The following CABLES1 variants were observed in gnomAD, a reference collection of about 807,000 sequenced individuals.
The protein encoded by CABLES1 is CDK5 and ABL1 enzyme substrate 1.
Under a neutral mutation model 57.8 loss-of-function variants are expected in CABLES1, and 36 were observed. That is an observed-to-expected ratio of 0.62 (90% confidence interval 0.48 to 0.82). The LOEUF is 0.82. CABLES1 is among the 40% of genes least tolerant of loss of function. The pLI, the probability that CABLES1 is intolerant of heterozygous loss-of-function variation, is 0.00. For missense variants in CABLES1, 767 were observed against 836.6 expected (o/e 0.92, Z 1.03); for synonymous variants, 374 against 363.0 (o/e 1.03, Z -0.35).
At chr18:23,245,503 CAAAAA>C (rs914289893) in intron 7 of CABLES1, among the ~76,000 whole-genome samples, 1 of 94,562 alleles carries the variant, frequency 1.1e-5, no homozygotes, top group African/African-American at 3.8e-5. Context: ...CATCCTGTCT[CAAAAA>C]AAAAAAAAAA....
intron 3 of CABLES1, among the ~76,000 whole-genome samples, chr18:23,203,437 G>A (rs1023522715): frequency 6.7e-6 from 1 of 149,882 alleles, no homozygotes; most frequent in Non-Finnish European, 1.5e-5. Context: ...TCTCTTTAAA[G>A]TATGAACCAA....
chr18:23,141,628 A>G (rs931478618), intron 1 of CABLES1, among the ~76,000 whole-genome samples: 11 of 152,274 alleles, frequency 7.2e-5, no homozygotes, highest in Admixed American at 6.5e-4. Flanking sequence ...GGGCCTGTGG[A>G]TGGTGGGCGC....
chr18:23,259,228 G>A lies in CABLES1; in HGVS notation c.*1861G>A, dbSNP rs1258187930. The A allele has an allele frequency of 5.3e-5, 8 of 152,164 alleles. No individual in the cohort carries two copies. Among genetic ancestry groups the A allele is most frequent in the Non-Finnish European group, 1.2e-4 (8 of 68,056 alleles). The allele number at this position is 152,164 out of a possible 1,614,324, so 9.4% of individuals were successfully genotyped here. On this transcript the variant is annotated 3_prime_UTR_variant, in exon 10 of 10. Transcript: ENST00000256925. Reference sequence around the variant, plus strand: ...TTCCTGGTCAGTGCCTACAGGGGGAGAGCCTTTCTGAGAAGCAGGTCCTGT... The same window carrying A: ...TTCCTGGTCAGTGCCTACAGGGGGAAAGCCTTTCTGAGAAGCAGGTCCTGT...
At chr18:23,163,405 G>T (rs986411995) in intron 1 of CABLES1, among the ~76,000 whole-genome samples, 1 of 152,144 alleles carries the variant, frequency 6.6e-6, no homozygotes, top group African/African-American at 2.4e-5. Flanking sequence ...AGGGAGCGGG[G>T]ACAGAGAGAT....
chr18:23,142,649 CAAT>C (rs1479179288), intron 1 of CABLES1, among the ~76,000 whole-genome samples: 2 of 152,204 alleles, frequency 1.3e-5, no homozygotes, highest in African/African-American at 2.4e-5. Flanking sequence ...ACATTGAACA[CAAT>C]GAGTATCAAT....
At chr18:23,185,773 C>T (rs1388919102) in intron 1 of CABLES1, among the ~76,000 whole-genome samples, 1 of 152,226 alleles carries the variant, frequency 6.6e-6, no homozygotes. Context: ...TCGAGATTCT[C>T]AGGATCCGAA....
At position 23,231,417 on chromosome 18, in the gene CABLES1, C is replaced by T. The variant is rs574945159; in HGVS notation, c.1089-3191C>T. Among the ~76,000 whole-genome samples, 6 of 152,338 alleles carry T rather than the reference C, an allele frequency of 3.9e-5. No individual in the cohort carries two copies. In the South Asian group the frequency reaches 8.3e-4, roughly 21 times the overall value. On this transcript the variant is annotated intron_variant, in intron 4 of 9. Coordinates refer to ENST00000256925, the MANE Select transcript of CABLES1 (RefSeq NM_001100619.3). ...TCCGTCATCACAGGAAGTTCTGTTGCGTGGCACTGGTCTGTAACAAGCCTC... is the reference window on the plus strand; with the variant it reads ...TCCGTCATCACAGGAAGTTCTGTTGTGTGGCACTGGTCTGTAACAAGCCTC...
intron 3 of CABLES1, among the ~76,000 whole-genome samples, chr18:23,194,959 G>A (rs866804998): frequency 2.0e-5 from 3 of 152,138 alleles, no homozygotes; most frequent in African/African-American, 7.2e-5. Context: ...CTTAGTTTGG[G>A]TCCTGGCTTT....
At chr18:23,180,461 A>G (rs1038930132) in intron 1 of CABLES1, among the ~76,000 whole-genome samples, 1 of 152,072 alleles carries the variant, frequency 6.6e-6, no homozygotes, top group African/African-American at 2.4e-5. Flanking sequence ...TAGTATTTGA[A>G]AACCAGCATT....
At chr18:23,173,977 A>T (rs1451461917) in intron 1 of CABLES1, among the ~76,000 whole-genome samples, 1 of 152,174 alleles carries the variant, frequency 6.6e-6, no homozygotes, top group Non-Finnish European at 1.5e-5. Flanking sequence ...AATAAAAATA[A>T]AAAATAAAGT....
chr18:23,188,817 A>T, intron 1 of CABLES1, 21 bp from the exon 2 acceptor site: 1 of 1,603,002 alleles, frequency 6.2e-7, no homozygotes, highest in Non-Finnish European at 8.5e-7. Context: ...TAACTCCCAG[A>T]TTTTTTCCTT....
chr18:23,251,234 C>T (rs796770949), intron 7 of CABLES1, among the ~76,000 whole-genome samples: 8 of 152,314 alleles, frequency 5.3e-5, no homozygotes, highest in African/African-American at 1.9e-4. Flanking sequence ...AGGTGGATCA[C>T]CTGAAGTCAG....
chr18:23,147,083 C>T (rs900342518), intron 1 of CABLES1, among the ~76,000 whole-genome samples: 1 of 152,208 alleles, frequency 6.6e-6, no homozygotes, highest in Non-Finnish European at 1.5e-5. Context: ...GTGATAACCT[C>T]GGGCAGGCCA....
At chr18:23,192,702 G>A (rs2047253166) in intron 2 of CABLES1, among the ~76,000 whole-genome samples, 1 of 152,182 alleles carries the variant, frequency 6.6e-6, no homozygotes, top group Admixed American at 6.5e-5. Flanking sequence ...TGCTTTCAGG[G>A]ATTCTCCTCT....
intron 1 of CABLES1, 94 bp from the exon 2 acceptor site, chr18:23,188,744 T>G: frequency 4.6e-6 from 4 of 870,096 alleles, no homozygotes; most frequent in Non-Finnish European, 5.8e-6. Context: ...ACGGACTTCA[T>G]GTTTTTGTTT....
At chr18:23,157,267 A>G (rs955037804) in intron 1 of CABLES1, among the ~76,000 whole-genome samples, 1 of 152,310 alleles carries the variant, frequency 6.6e-6, no homozygotes, top group Admixed American at 6.5e-5. Context: ...ATAATTTAGC[A>G]GGTCGGCAAG....
Position 23,248,512 on chromosome 18 carries a change from C to CTT in CABLES1, c.1447-4423_1447-4422dup, listed in dbSNP as rs59555750. ...CTGGCAATGTAGCAAGACCCTATGT[C>CTT]TTTTTTTTTTTTTTTTTTTTTTTTT... On this transcript the variant is annotated intron_variant, in intron 7 of 9. Transcript: ENST00000256925. Among the ~76,000 whole-genome samples the CTT allele has an allele frequency of 3.1e-3, 285 of 90,712 alleles. 2 individuals are homozygous for CTT. Among genetic ancestry groups the CTT allele is most frequent in the East Asian group, 0.014 (42 of 2,946 alleles). The allele number at this position is 90,712 out of a possible 152,430, so 59.5% of individuals were successfully genotyped here.
chr18:23,152,990 C>A (rs1329425102), intron 1 of CABLES1, among the ~76,000 whole-genome samples: 1 of 150,440 alleles, frequency 6.6e-6, no homozygotes, highest in Admixed American at 6.6e-5. Flanking sequence ...TTAGTAGAGA[C>A]AGGGTTTCAC....
At chr18:23,256,671 G>A (rs1019255910) in intron 9 of CABLES1, among the ~76,000 whole-genome samples, 6 of 151,948 alleles carry the variant, frequency 3.9e-5, no homozygotes, top group Non-Finnish European at 7.4e-5. Context: ...TAGTAGAGAC[G>A]ACAGGGTTTC....
Sources: gnomAD v4.1 joint callset for allele counts (sites outside exome capture counted in the v4.1 genomes callset) on GRCh38, gnomAD v4.1.1 for gene constraint, MANE v1.5 for transcripts, NCBI Gene and HGNC (gene_info 2026-07-23, HGNC 2026-07-21) for gene names.